The following DPYSL5 variants were observed in gnomAD, a reference collection of about 807,000 sequenced individuals.
DPYSL5 encodes dihydropyrimidinase-related protein 5.
DPYSL5 carries 9 observed loss-of-function variants against 58.4 expected under a neutral mutation model. The observed-to-expected ratio is 0.15, with a 90% CI of 0.09 to 0.27. The LOEUF (loss-of-function observed/expected upper bound fraction) is 0.27. Ranked by LOEUF, DPYSL5 falls within the 10% of genes least tolerant of loss-of-function variation. The pLI, the probability that DPYSL5 is intolerant of heterozygous loss-of-function variation, is 1.00. For synonymous variants in DPYSL5, 293 were observed against 301.9 expected (o/e 0.97, Z 0.31); for missense variants, 499 against 770.6 (o/e 0.65, Z 4.17).
chr2:26,944,912 G>C lies in DPYSL5; in HGVS notation c.1609+88G>C. The stretch of plus-strand genomic sequence containing the variant: ...TGGGACTTACGCCTGCTTTTCTTTT[G>C]TGTCCTCTCCTCCCTCCCGTTGCCT... On this transcript the variant is annotated intron_variant, in intron 12 of 12. Coordinates refer to ENST00000288699, the MANE Select transcript of DPYSL5 (RefSeq NM_020134.4). The surrounding 1 kb of genome is among the most constrained non-coding windows in gnomAD (Gnocchi z 4.4). 1 of 1,337,590 alleles carries C rather than the reference G, an allele frequency of 7.5e-7. No homozygotes were observed. The highest frequency in any genetic ancestry group is 1.3e-5 in the South Asian group (1 of 77,286). 82.9% of individuals were successfully genotyped at this position (1,337,590 alleles called of 1,614,324 possible).
chr2:26,872,444 C>A (rs1029564056), intron 1 of DPYSL5, among the ~76,000 whole-genome samples: 5 of 152,212 alleles, frequency 3.3e-5, no homozygotes, highest in African/African-American at 4.8e-5. Context: ...CTAATCCCAG[C>A]ACTTTGAGAG....
intron 1 of DPYSL5, among the ~76,000 whole-genome samples, chr2:26,883,989 C>A (rs1019619451): frequency 6.6e-6 from 1 of 152,186 alleles, no homozygotes; most frequent in African/African-American, 2.4e-5. Context: ...GAGCCCTCTT[C>A]CAGCATTTGG....
At chr2:26,874,805 TTGCC>T (rs1457499181) in intron 1 of DPYSL5, among the ~76,000 whole-genome samples, 1 of 152,206 alleles carries the variant, frequency 6.6e-6, no homozygotes, top group Non-Finnish European at 1.5e-5. Context: ...CAAAATTGGT[TTGCC>T]TGTTCTAGGT....
rs1354498631 is a variant in DPYSL5, at chr2:26,931,201, GTGTATATATATA to G, written c.670-437_670-426del. Reference sequence around the variant, plus strand: ...TGTGTGTGTGTGTGTGTGTGTGTGTGTGTATATATATATATATATATATATATATGAATTATA... The same window carrying G: ...TGTGTGTGTGTGTGTGTGTGTGTGTGTATATATATATATATATGAATTATA... On this transcript the variant is annotated intron_variant, in intron 5 of 12. Transcript: ENST00000288699. Among the ~76,000 whole-genome samples, 4 of 54,546 alleles carry G rather than the reference GTGTATATATATA, an allele frequency of 7.3e-5. 1 individual carries two copies. The highest frequency in any genetic ancestry group is 6.6e-4 in the East Asian group (1 of 1,524). The allele number at this position is 54,546 out of a possible 152,430, so 35.8% of individuals were successfully genotyped here. A position where few individuals can be genotyped will look rare whatever the true frequency, so the allele number is the denominator to read the frequency against.
intron 2 of DPYSL5, among the ~76,000 whole-genome samples, chr2:26,908,475 G>A (rs530838795): frequency 1.3e-5 from 2 of 152,274 alleles, no homozygotes; most frequent in Admixed American, 6.5e-5. Context: ...TTCATTCTAC[G>A]TGTACATTAA....
rs903946372 is a variant in DPYSL5 at position 26,849,887 on chromosome 2, C to T, written c.-5+1633C>T. On this transcript the variant is annotated intron_variant, in intron 1 of 12. Coordinates refer to ENST00000288699, the MANE Select transcript of DPYSL5 (RefSeq NM_020134.4). This position sits in a 1 kb window ranked among gnomAD's most constrained non-coding sequence, Gnocchi z 6.2. ...CACCCCCCCACTCCGGCTCGGGTGC[C>T]TTCTGGTGCAGCGCCGCCGCCCGCC... is the stretch of plus-strand genomic sequence containing the variant. 6.6e-6 allele frequency among the ~76,000 whole-genome samples: 1 copy of T among 152,188 alleles called. No homozygotes were observed. Among genetic ancestry groups the T allele is most frequent in the Non-Finnish European group, 1.5e-5 (1 of 68,026 alleles).
intron 11 of DPYSL5, among the ~76,000 whole-genome samples, chr2:26,943,126 G>A (rs1665369237): frequency 6.6e-6 from 1 of 152,052 alleles, no homozygotes; most frequent in South Asian, 2.1e-4. Flanking sequence ...TCCCACTCTT[G>A]ATGAAGCAAG....
rs1665696881 is a variant in DPYSL5, at chr2:26,849,659, AC to A, written c.-5+1408del. On this transcript the variant is annotated intron_variant, in intron 1 of 12. Coordinates refer to ENST00000288699, the MANE Select transcript of DPYSL5 (RefSeq NM_020134.4). This position sits in a 1 kb window ranked among gnomAD's most constrained non-coding sequence, Gnocchi z 6.2. ...GGGAGGCGGATCTCCCTTCGGGGAG[AC>A]CCGGAGAACAATAGCCGACCCTGGT... is the stretch of plus-strand genomic sequence containing the variant. Among the ~76,000 whole-genome samples, 1 of 152,110 alleles carries A rather than the reference AC, an allele frequency of 6.6e-6. No homozygotes were observed. The highest frequency in any genetic ancestry group is 2.1e-4 in the South Asian group (1 of 4,830).
rs1417713183 is a variant in DPYSL5, at chr2:26,949,417, G to C, written c.*2422G>C. On this transcript the variant is annotated 3_prime_UTR_variant, in exon 13 of 13. Transcript: ENST00000288699. ...GGCAAGTGGCAGCCATTGGAACAGG[G>C]GTGAGGACCCAGGCCTGGGAAAGCC... 2 of 152,476 alleles carry C rather than the reference G, an allele frequency of 1.3e-5. No homozygotes were observed. Among genetic ancestry groups the C allele is most frequent in the Admixed American group, 6.5e-5 (1 of 15,290 alleles). The allele number at this position is 152,476 out of a possible 1,614,324, so 9.4% of individuals were successfully genotyped here.
chr2:26,849,325 T>C lies in DPYSL5; in HGVS notation c.-5+1071T>C, dbSNP rs1665686320. On this transcript the variant is annotated intron_variant, in intron 1 of 12. Coordinates refer to ENST00000288699, the MANE Select transcript of DPYSL5 (RefSeq NM_020134.4). The surrounding 1 kb of genome is among the most constrained non-coding windows in gnomAD (Gnocchi z 6.2). ...CGCTGTGCGGGGGAGGGGGGCCTCC[T>C]GGGAAGGGGAGCCTCCCGAGGAGGG... Among the ~76,000 whole-genome samples, 1 of 147,766 alleles carries C rather than the reference T, an allele frequency of 6.8e-6. No homozygotes were observed. The highest frequency in any genetic ancestry group is 1.5e-5 in the Non-Finnish European group (1 of 66,652).
intron 1 of DPYSL5, among the ~76,000 whole-genome samples, chr2:26,857,028 CG>C (rs1236442077): frequency 6.8e-6 from 1 of 147,676 alleles, no homozygotes; most frequent in Non-Finnish European, 1.5e-5. Context: ...AAGCGGTGTA[CG>C]TCTACCTTAG....
At chr2:26,885,600 A>T (rs552457656) in intron 1 of DPYSL5, among the ~76,000 whole-genome samples, 1 of 152,280 alleles carries the variant, frequency 6.6e-6, no homozygotes, top group East Asian at 1.9e-4. Flanking sequence ...TCACTAGCCA[A>T]TTTGGTATGG....
chr2:26,906,409 C>T (rs183801477), intron 2 of DPYSL5, among the ~76,000 whole-genome samples: 1 of 152,248 alleles, frequency 6.6e-6, no homozygotes, highest in Admixed American at 6.5e-5. Context: ...GTCTCTATCT[C>T]TTGACCTCGT....
intron 1 of DPYSL5, among the ~76,000 whole-genome samples, chr2:26,878,363 A>G (rs1663465371): frequency 6.6e-6 from 1 of 151,710 alleles, no homozygotes; most frequent in Non-Finnish European, 1.5e-5. Flanking sequence ...GTCTTTTAGG[A>G]TTTAGAAGCG....
intron 2 of DPYSL5, among the ~76,000 whole-genome samples, chr2:26,904,673 G>A (rs1037598153): frequency 3.3e-5 from 5 of 152,128 alleles, no homozygotes; most frequent in East Asian, 1.9e-4. Flanking sequence ...GAGGCCAAGC[G>A]GGGAAGATCA....
chr2:26,883,376 A>G (rs1487074434), intron 1 of DPYSL5, among the ~76,000 whole-genome samples: 1 of 151,900 alleles, frequency 6.6e-6, no homozygotes, highest in Non-Finnish European at 1.5e-5. Context: ...ATCATACCGT[A>G]TTTGCTCTTA....
At chr2:26,869,252 A>G (rs1663197320) in intron 1 of DPYSL5, among the ~76,000 whole-genome samples, 1 of 152,248 alleles carries the variant, frequency 6.6e-6, no homozygotes. Flanking sequence ...GGCGTGAGCC[A>G]CTATGCATGG....
intron 1 of DPYSL5, among the ~76,000 whole-genome samples, chr2:26,872,046 A>G (rs905605998): frequency 6.6e-6 from 1 of 152,210 alleles, no homozygotes; most frequent in Admixed American, 6.5e-5. Flanking sequence ...GTAATCAGAC[A>G]TGTAGAAAGA....
intron 1 of DPYSL5, among the ~76,000 whole-genome samples, chr2:26,856,258 A>G (rs950244940): frequency 5.1e-4 from 78 of 152,164 alleles, no homozygotes; most frequent in Non-Finnish European, 6.6e-4. Context: ...TAAAAAAGGG[A>G]AAAAAAGAAA....
Sources: gnomAD v4.1 joint callset for allele counts (sites outside exome capture counted in the v4.1 genomes callset) on GRCh38, gnomAD v4.1.1 for gene constraint, Gnocchi (gnomAD v3.1) non-coding constraint, MANE v1.5 for transcripts, NCBI Gene and HGNC (gene_info 2026-07-23, HGNC 2026-07-21) for gene names.